SP7: variants seen among roughly 807,000 people sequenced by gnomAD.
The protein encoded by SP7 is transcription factor Sp7.
SP7 carries 13 observed loss-of-function variants against 27.9 expected under a neutral mutation model. The ratio of observed to expected loss-of-function variants is 0.47; its 90% CI spans 0.30 to 0.74. The LOEUF (loss-of-function observed/expected upper bound fraction) is 0.74. Among genes scored for constraint, SP7 ranks in the 30% least tolerant of loss-of-function variants. The pLI is 0.06. For missense variants in SP7, 525 were observed against 558.0 expected, an observed-to-expected ratio of 0.94 and a Z score of 0.60; for synonymous variants, 219 against 226.7, an observed-to-expected ratio of 0.97 and a Z score of 0.31.
chr12:53,338,588 G>A (rs1280555812), upstream of SP7, among the ~76,000 whole-genome samples: 2 of 152,052 alleles, frequency 1.3e-5, no homozygotes, highest in East Asian at 3.9e-4. Context: ...TGGAAGGAAG[G>A]GTCACCTTCT....
chr12:53,339,745 GA>G (rs55724070), upstream of SP7, among the ~76,000 whole-genome samples: 14,317 of 131,578 alleles, frequency 0.11, 814 homozygotes, highest in Non-Finnish European at 0.15. Flanking sequence ...AAAAAAGAAA[GA>G]AAAAAAAAAC....
At chr12:53,339,553 C>T (rs548562242), upstream of SP7, among the ~76,000 whole-genome samples, 351 of 151,958 alleles carry the variant, frequency 2.3e-3, 2 homozygotes, top group African/African-American at 8.1e-3. Flanking sequence ...GGTGAAACCC[C>T]GTCTCTACTA....
chr12:53,331,315 TA>T (rs1278223501), intron 2 of SP7, among the ~76,000 whole-genome samples: 1 of 151,272 alleles, frequency 6.6e-6, no homozygotes, highest in African/African-American at 2.4e-5. Flanking sequence ...ACTAAAAATA[TA>T]AAAAAATTAT....
intron 2 of SP7, among the ~76,000 whole-genome samples, chr12:53,332,502 A>C (rs11170505): frequency 0.95 from 144,393 of 152,070 alleles, 69,012 homozygotes; most frequent in East Asian, 1. Context: ...CACTTGAGCT[A>C]AGTAGTTAGA....
upstream of SP7, among the ~76,000 whole-genome samples, chr12:53,341,291 A>G (rs1281737122): frequency 1.3e-5 from 2 of 152,174 alleles, no homozygotes; most frequent in Non-Finnish European, 2.9e-5. Flanking sequence ...TTGAGCCCTG[A>G]TATAATTCAG....
Position 53,328,769 on chromosome 12 carries a change from G to A in SP7, c.673C>T (p.Pro225Ser). The change falls in exon 3 of 3, where the codon CCC becomes TCC. Residue 225 changes from proline to serine, a missense_variant. Pro to Ser is a moderately conservative substitution (Grantham distance 74, BLOSUM62 -1). Coordinates refer to ENST00000536324, the MANE Select transcript of SP7 (RefSeq NM_001173467.3). The surrounding 1 kb of genome is among the most constrained non-coding windows in gnomAD (Gnocchi z 5.1). The part of the protein sequence containing the change: ...LLQPGPQHVL[P>S]QDVYKPKAVG... ...GCCTTGGGTTTATAGACATCTTGGG[G>A]CAAGACATGCTGGGGCCCTGGTTGC... 2 of 1,601,934 alleles carry A rather than the reference G, an allele frequency of 1.2e-6. No homozygotes were observed. Among genetic ancestry groups the A allele is most frequent in the East Asian group, 2.2e-5 (1 of 44,642 alleles).
At chr12:53,334,171 G>A (rs2016266) in intron 2 of SP7, among the ~76,000 whole-genome samples, 93,263 of 152,004 alleles carry the variant, frequency 0.61, 29,803 homozygotes, top group East Asian at 0.82. Flanking sequence ...TTGCAGCTAC[G>A]GGTAGACCCC....
At position 53,329,292 on chromosome 12, in the gene SP7, C is replaced by T. The variant is rs1000189751; in HGVS notation, c.150G>A (p.Val50=). ...GKAGTKKPYS[V]GSDLSASKTM... ...TTTTGGAGGCTGAAAGGTCACTGCC[C>T]ACAGAGTACGGCTTCTTTGTGCCTG... Residue 50 remains valine (V), a synonymous_variant, in exon 3 of 3, where the codon GTG becomes GTA. Transcript: ENST00000536324. 1.9e-6 allele frequency: 3 copies of T among 1,613,892 alleles called. No individual in the cohort carries two copies. The highest frequency in any genetic ancestry group is 2.5e-6 in the Non-Finnish European group (3 of 1,179,892).
rs1173421268 is a variant in SP7 at position 53,328,668 on chromosome 12, A to G, written c.774T>C (p.Gly258=). Residue 258 remains glycine, a synonymous_variant, in exon 3 of 3, where the codon GGT becomes GGC. Transcript: ENST00000536324. This position sits in a 1 kb window ranked among gnomAD's most constrained non-coding sequence, Gnocchi z 5.1. ...PPRGASTGGS[G]GYGGSGAGRS... ...GCCCTGCCCCACTGCCCCCATATCC[A>G]CCACTACCCCCAGTGCTTGCACCCC... The G allele has an allele frequency of 1.9e-6, 3 of 1,608,710 alleles. No homozygotes were observed. Among genetic ancestry groups the G allele is most frequent in the Middle Eastern group, 1.7e-4 (1 of 6,056 alleles).
At chr12:53,340,992 G>A (rs1455723229), upstream of SP7, among the ~76,000 whole-genome samples, 1 of 152,182 alleles carries the variant, frequency 6.6e-6, no homozygotes, top group Admixed American at 6.5e-5. Flanking sequence ...CTGACACTAG[G>A]CTCAGGGTAC....
Position 53,344,356 on chromosome 12 carries a change from G to C in SP7, c.-34+758C>G, listed in dbSNP as rs978293231. The stretch of plus-strand genomic sequence containing the variant: ...TCTGCCCTCTGCCCCAATCCCTCCT[G>C]AACTATTTCCTTTCCCCCTTTTCAC... On this transcript the variant is annotated intron_variant, in intron 1 of 1. Coordinates refer to the SP7 transcript ENST00000547755. The surrounding 1 kb of genome is among the most constrained non-coding windows in gnomAD (Gnocchi z 4.6). Among the ~76,000 whole-genome samples, 1 of 151,844 alleles carries C rather than the reference G, an allele frequency of 6.6e-6. No individual in the cohort carries two copies. The highest frequency in any genetic ancestry group is 2.4e-5 in the African/African-American group (1 of 41,312).
upstream of SP7, among the ~76,000 whole-genome samples, chr12:53,337,028 T>A (rs1019935637): frequency 1.3e-5 from 2 of 151,778 alleles, no homozygotes; most frequent in African/African-American, 4.8e-5. Context: ...CAAGCAGGAG[T>A]GAGGGTGGCG....
intron 2 of SP7, among the ~76,000 whole-genome samples, chr12:53,331,483 A>AAG (rs1944704851): frequency 1.3e-5 from 2 of 151,118 alleles, no homozygotes; most frequent in Admixed American, 1.3e-4. Context: ...AAAAAAAAAA[A>AAG]AAAAAGAAAG....
intron 2 of SP7, among the ~76,000 whole-genome samples, chr12:53,329,785 G>A (rs951100251): frequency 6.6e-6 from 1 of 152,022 alleles, no homozygotes; most frequent in Non-Finnish European, 1.5e-5. Flanking sequence ...AGGTTGGAGT[G>A]CAATGGTGTG....
upstream of SP7, among the ~76,000 whole-genome samples, chr12:53,338,287 T>TG (rs910283287): frequency 1.6e-4 from 24 of 152,040 alleles, no homozygotes; most frequent in African/African-American, 3.1e-4. Context: ...TCCCCCTTGT[T>TG]GGGGGGGAGT....
At chr12:53,342,075 A>C (rs1565795573) in intron 1 of SP7, among the ~76,000 whole-genome samples, 2 of 98,954 alleles carry the variant, frequency 2.0e-5, no homozygotes, top group Non-Finnish European at 4.5e-5. Flanking sequence ...AAAACAAAAA[A>C]CAAACAAACA....
intron 2 of SP7, among the ~76,000 whole-genome samples, chr12:53,329,812 A>G (rs1237440569): frequency 1.3e-5 from 2 of 149,918 alleles, no homozygotes; most frequent in African/African-American, 4.9e-5. Context: ...GCTCACTGCA[A>G]CCTCCGCCTC....
At chr12:53,340,156 C>T (rs181969649), upstream of SP7, among the ~76,000 whole-genome samples, 216 of 152,250 alleles carry the variant, frequency 1.4e-3, no homozygotes, top group Admixed American at 2.9e-3. Context: ...AAAATGCACA[C>T]ACCAGTATAT....
At chr12:53,329,724 C>G (rs2136837554) in intron 2 of SP7, among the ~76,000 whole-genome samples, 1 of 152,078 alleles carries the variant, frequency 6.6e-6, no homozygotes, top group Middle Eastern at 3.4e-3. Flanking sequence ...CTCCAAGGAA[C>G]AGGAGGTTCT....
Sources: allele counts gnomAD v4.1 joint callset (sites outside exome capture counted in the v4.1 genomes callset), GRCh38; gene constraint gnomAD v4.1.1; non-coding constraint Gnocchi (gnomAD v3.1); transcripts MANE v1.5; gene names NCBI Gene and HGNC (gene_info 2026-07-23, HGNC 2026-07-21).